The following SLC36A3 variants were observed in gnomAD, a reference collection of about 807,000 sequenced individuals.
The protein encoded by SLC36A3 is proton-coupled amino acid transporter 3.
SLC36A3 carries 35 observed loss-of-function variants against 44.3 expected under a neutral mutation model. The ratio of observed to expected loss-of-function variants is 0.79; its 90% confidence interval spans 0.60 to 1.05. The LOEUF (loss-of-function observed/expected upper bound fraction) is 1.05. Among genes scored for constraint, SLC36A3 ranks in the 50% least tolerant of loss-of-function variants. The pLI is 0.00. For missense variants in SLC36A3, 540 were observed against 578.7 expected, an observed-to-expected ratio of 0.93 and a Z score of 0.69; for synonymous variants, 211 against 227.6, an observed-to-expected ratio of 0.93 and a Z score of 0.66.
chr5:151,281,266 G>C, intron 8 of SLC36A3, 83 bp from the exon 9 acceptor site: 1 of 1,390,954 alleles, frequency 7.2e-7, no homozygotes, highest in East Asian at 2.3e-5. Context: ...TCAGAAGCTG[G>C]TATGGGTTGA....
chr5:151,302,092 C>A (rs1015835881), intron 1 of SLC36A3, among the ~76,000 whole-genome samples: 1 of 152,230 alleles, frequency 6.6e-6, no homozygotes, highest in African/African-American at 2.4e-5. Flanking sequence ...CCTCCAAATT[C>A]TCTTCCCCAG....
At position 151,280,230 on chromosome 5, in the gene SLC36A3, A is replaced by G. The variant is rs914057310; in HGVS notation, c.1144+784T>C. On this transcript the variant is annotated intron_variant, in intron 9 of 9. Transcript: ENST00000335230. ...AGCACTTTGGGAGGCTGAGGCAGGC[A>G]GATCACTTGAGATCAGGATTTTGAG... is the stretch of plus-strand genomic sequence containing the variant. 2.0e-5 allele frequency among the ~76,000 whole-genome samples: 3 copies of G among 152,218 alleles called. No individual in the cohort carries two copies. In the South Asian group the frequency reaches 6.2e-4, roughly 32 times the overall value.
chr5:151,284,079 G>A lies in SLC36A3; in HGVS notation c.939C>T (p.Thr313=). The A allele has an allele frequency of 6.2e-7, 1 of 1,613,606 alleles. No homozygotes were observed. The highest frequency in any genetic ancestry group is 1.1e-5 in the South Asian group (1 of 90,936). The stretch of plus-strand genomic sequence containing the variant: ...GCAAGTTGAGGGTGATGCTGGCCTG[G>A]GTGTCTGACCCAAACTTCATGTAGC... ...TLGYMKFGSD[T]QASITLNLPN... The change falls in exon 8 of 10, where the codon ACC becomes ACT. Residue 313 remains threonine (T), a synonymous_variant. Coordinates refer to ENST00000335230, the MANE Select transcript of SLC36A3 (RefSeq NM_181774.4).
intron 1 of SLC36A3, among the ~76,000 whole-genome samples, chr5:151,299,256 C>CTATATATATATATA (rs1394218183): frequency 2.6e-5 from 2 of 76,594 alleles, no homozygotes; most frequent in African/African-American, 1.0e-4. Flanking sequence ...CTCTCTCTCT[C>CTATATATATATATA]TCTCTCTCTA....
chr5:151,287,817 C>A (rs930866606), intron 5 of SLC36A3, among the ~76,000 whole-genome samples: 5 of 152,326 alleles, frequency 3.3e-5, no homozygotes, highest in Middle Eastern at 3.4e-3. Context: ...ATTCATCACA[C>A]AAGAATATCC....
At chr5:151,292,801 T>C (rs1754806590) in intron 4 of SLC36A3, among the ~76,000 whole-genome samples, 1 of 152,190 alleles carries the variant, frequency 6.6e-6, no homozygotes, top group Non-Finnish European at 1.5e-5. Context: ...CTGGCCAACA[T>C]GGTGAAACCC....
At chr5:151,291,695 C>T (rs1212002185) in intron 4 of SLC36A3, among the ~76,000 whole-genome samples, 11 of 152,140 alleles carry the variant, frequency 7.2e-5, no homozygotes, top group African/African-American at 2.4e-4. Context: ...TTATGAGACA[C>T]ACATAGCTAG....
chr5:151,296,504 A>G, intron 2 of SLC36A3: 1 of 570,716 alleles, frequency 1.8e-6, no homozygotes, highest in Non-Finnish European at 3.1e-6. Flanking sequence ...AGAGCTCATT[A>G]CCTTCCCACA....
chr5:151,302,437 C>T (rs1431854789), intron 1 of SLC36A3, among the ~76,000 whole-genome samples: 6 of 152,058 alleles, frequency 3.9e-5, no homozygotes, highest in African/African-American at 1.2e-4. Flanking sequence ...TGGATGGAGC[C>T]GGAAGCCAGT....
At chr5:151,302,996 T>A (rs1370767390) in intron 1 of SLC36A3, among the ~76,000 whole-genome samples, 3 of 152,116 alleles carry the variant, frequency 2.0e-5, no homozygotes, top group Non-Finnish European at 4.4e-5. Flanking sequence ...AAGCTGCTCA[T>A]GTTGAGGGTG....
Position 151,303,542 on chromosome 5 carries a change from G to A in SLC36A3, c.-188C>T. On this transcript the variant is annotated 5_prime_UTR_variant, in exon 1 of 10. Coordinates refer to ENST00000335230, the MANE Select transcript of SLC36A3 (RefSeq NM_181774.4). ...AGCGGTGGTGGCAGGAGAGGCTGAT[G>A]TTGATGATGCCTCACCTGGCTCTTG... 3 of 539,902 alleles carry A rather than the reference G, an allele frequency of 5.6e-6. No individual in the cohort carries two copies. The East Asian group carries it at 9.0e-5, about 16-fold the overall frequency. The allele number at this position is 539,902 out of a possible 1,614,324, so 33.4% of individuals were successfully genotyped here.
intron 6 of SLC36A3, among the ~76,000 whole-genome samples, chr5:151,285,484 G>T (rs1384674464): frequency 2.6e-5 from 4 of 152,122 alleles, no homozygotes; most frequent in Non-Finnish European, 4.4e-5. Flanking sequence ...CTTCTTTCAG[G>T]GCTGTGCAGT....
At position 151,277,086 on chromosome 5, in the gene SLC36A3, G is replaced by T; in HGVS notation, c.*307C>A. On this transcript the variant is annotated 3_prime_UTR_variant, in exon 10 of 10. Coordinates refer to ENST00000335230, the MANE Select transcript of SLC36A3 (RefSeq NM_181774.4). The stretch of plus-strand genomic sequence containing the variant: ...AACAGTTACTTTTGTATTTATGCTT[G>T]GTCTCTGTTTCAAGGGCTATTGGGG... The T allele has an allele frequency of 5.3e-6, 2 of 374,092 alleles. No individual in the cohort carries two copies. Among genetic ancestry groups the T allele is most frequent in the Non-Finnish European group, 9.7e-6 (2 of 205,760 alleles). 23.2% of individuals were successfully genotyped at this position (374,092 alleles called of 1,614,324 possible). A position where few individuals can be genotyped will look rare whatever the true frequency, so the allele number is the denominator to read the frequency against.
chr5:151,282,761 G>A (rs1032172166), intron 8 of SLC36A3, among the ~76,000 whole-genome samples: 5 of 152,156 alleles, frequency 3.3e-5, no homozygotes, highest in African/African-American at 1.2e-4. Context: ...TTGCCCATTT[G>A]CTGTCCTAGT....
Position 151,277,626 on chromosome 5 carries a change from C to T in SLC36A3, c.1180G>A (p.Val394Ile). Residue 394 changes from valine to isoleucine, a missense_variant, in exon 10 of 10, where the codon GTC becomes ATC. By Grantham distance (29) the Val-to-Ile change is conservative (BLOSUM62 3). Transcript: ENST00000335230. Reference protein sequence around the residue: ...SAILIPRLDLVISLVGSVSSS... With the variant: ...SAILIPRLDLIISLVGSVSSS... ...CTCACGGAGCCTACCAGGGAGATGA[C>T]CAAGTCCAGGCGGGGGATGAGGATG... 1 of 1,614,090 alleles carries T rather than the reference C, an allele frequency of 6.2e-7. No homozygotes were observed. Among genetic ancestry groups the T allele is most frequent in the East Asian group, 2.2e-5 (1 of 44,872 alleles).
At position 151,284,044 on chromosome 5, in the gene SLC36A3, C is replaced by T; in HGVS notation, c.974G>A (p.Trp325Ter). The change falls in exon 8 of 10, where the codon TGG (tryptophan) becomes TAG (stop). Residue 325 changes from tryptophan (W) to a stop codon, truncating the protein, a stop_gained and splice_region_variant. Coordinates refer to ENST00000335230, the MANE Select transcript of SLC36A3 (RefSeq NM_181774.4). LOFTEE classifies it high-confidence loss of function. ...ASITLNLPNC[W>*]LYQSVKLMYS... Reference sequence around the variant, plus strand: ...CTCACCTGAGGTGGGCAGGACATACCAGCAATTGGGCAAGTTGAGGGTGAT... The same window carrying T: ...CTCACCTGAGGTGGGCAGGACATACTAGCAATTGGGCAAGTTGAGGGTGAT... 3 of 1,609,336 alleles carry T rather than the reference C, an allele frequency of 1.9e-6. No individual in the cohort carries two copies. The highest frequency in any genetic ancestry group is 2.5e-6 in the Non-Finnish European group (3 of 1,178,114).
chr5:151,303,310 C>T lies in SLC36A3; in HGVS notation c.45G>A (p.Leu15=). Residue 15 remains leucine (L), a synonymous_variant, in exon 1 of 10, where the codon TTG becomes TTA. Coordinates refer to ENST00000335230, the MANE Select transcript of SLC36A3 (RefSeq NM_181774.4). The part of the protein sequence containing the change: ...GRDYNSELNS[L]DNGPQSPSES... Reference sequence around the variant, plus strand: ...CTGAGGGTGACTGAGGTCCGTTGTCCAAGGAGTTCAGCTCACTGTTGTAGT... The same window carrying T: ...CTGAGGGTGACTGAGGTCCGTTGTCTAAGGAGTTCAGCTCACTGTTGTAGT... The T allele has an allele frequency of 6.2e-7, 1 of 1,614,016 alleles. No individual in the cohort carries two copies. Among genetic ancestry groups the T allele is most frequent in the Non-Finnish European group, 8.5e-7 (1 of 1,179,946 alleles).
chr5:151,279,339 C>T (rs1325138585), intron 9 of SLC36A3, among the ~76,000 whole-genome samples: 1 of 152,194 alleles, frequency 6.6e-6, no homozygotes, highest in African/African-American at 2.4e-5. Flanking sequence ...CATATATTTG[C>T]CACTCAACTG....
chr5:151,287,175 G>C, intron 6 of SLC36A3, 71 bp downstream of exon 6: 3 of 1,505,400 alleles, frequency 2.0e-6, no homozygotes, highest in Non-Finnish European at 2.7e-6. Flanking sequence ...TGCCCATCAT[G>C]ATAACAAACC....
Sources: gnomAD v4.1 joint callset for allele counts (sites outside exome capture counted in the v4.1 genomes callset) on GRCh38, gnomAD v4.1.1 for gene constraint, MANE v1.5 for transcripts, NCBI Gene and HGNC (gene_info 2026-07-23, HGNC 2026-07-21) for gene names.